The following LAMA2 variants were observed in gnomAD, a reference collection of about 807,000 sequenced individuals.
LAMA2 encodes laminin subunit alpha-2.
In LAMA2, 269 loss-of-function variants were observed where a neutral mutation model predicts 364.8. The ratio of observed to expected loss-of-function variants is 0.74; its 90% CI spans 0.67 to 0.82. The LOEUF (loss-of-function observed/expected upper bound fraction) is 0.82, where lower values mean the gene tolerates loss of function less well. Among genes scored for constraint, LAMA2 ranks in the 40% least tolerant of loss-of-function variants. LAMA2 has a pLI of 0.00. For missense variants in LAMA2, 3,807 were observed against 3,873.2 expected (o/e 0.98, Z 0.45); for synonymous variants, 1,379 against 1,370.6 (o/e 1.01, Z -0.14).
intron 10 of LAMA2, among the ~76,000 whole-genome samples, chr6:129,182,336 T>C (rs1780980476): frequency 6.6e-6 from 1 of 151,450 alleles, no homozygotes. Flanking sequence ...TGGTATTATC[T>C]AGTATCTTTG....
chr6:129,122,445 C>T (rs542446331), intron 4 of LAMA2, among the ~76,000 whole-genome samples: 1 of 152,292 alleles, frequency 6.6e-6, no homozygotes, highest in East Asian at 1.9e-4. Context: ...AATTCAGGAA[C>T]TATGGCCCAG....
intron 3 of LAMA2, among the ~76,000 whole-genome samples, chr6:129,065,804 A>G (rs1045188309): frequency 1.3e-5 from 2 of 152,068 alleles, no homozygotes; most frequent in African/African-American, 4.8e-5. Flanking sequence ...AGATGGCTGA[A>G]TCATGGGAGT....
intron 40 of LAMA2, among the ~76,000 whole-genome samples, chr6:129,416,601 T>G (rs1357060229): frequency 6.6e-6 from 1 of 152,098 alleles, no homozygotes; most frequent in South Asian, 2.1e-4. Flanking sequence ...TGTGGGGGCT[T>G]GTATAAGGGA....
At chr6:129,349,228 TG>T in intron 30 of LAMA2, 69 bp from the exon 31 acceptor site, 1 of 1,195,308 alleles carries the variant, frequency 8.4e-7, no homozygotes, top group Non-Finnish European at 1.2e-6. Flanking sequence ...ACCTTGATCA[TG>T]GATAGGAATA....
At chr6:129,416,564 C>A (rs1034164502) in intron 40 of LAMA2, among the ~76,000 whole-genome samples, 1 of 152,082 alleles carries the variant, frequency 6.6e-6, no homozygotes, top group Non-Finnish European at 1.5e-5. Context: ...ACCCTTTGGG[C>A]CCTACACAGA....
chr6:129,243,574 T>C (rs1785532765), intron 12 of LAMA2, among the ~76,000 whole-genome samples: 1 of 152,092 alleles, frequency 6.6e-6, no homozygotes, highest in African/African-American at 2.4e-5. Flanking sequence ...TTAGTTACAC[T>C]TGAGGCAGTA....
intron 1 of LAMA2, among the ~76,000 whole-genome samples, chr6:129,027,428 A>G (rs2114726681): frequency 6.6e-6 from 1 of 152,174 alleles, no homozygotes. Context: ...ACATGTCGTA[A>G]GTGAATGAAA....
At chr6:129,367,397 TAATC>T (rs1169222184) in intron 33 of LAMA2, among the ~76,000 whole-genome samples, 10 of 152,178 alleles carry the variant, frequency 6.6e-5, no homozygotes, top group Non-Finnish European at 1.0e-4. Context: ...CATTAAACAA[TAATC>T]AAGCAATTAG....
rs574846920 is a variant in LAMA2 at position 128,915,707 on chromosome 6, G to A, written c.112+32350G>A. 2.0e-5 allele frequency among the ~76,000 whole-genome samples: 3 copies of A among 152,274 alleles called. No homozygotes were observed. In the East Asian group the frequency reaches 5.8e-4, roughly 29 times the overall value. On this transcript the variant is annotated intron_variant, in intron 1 of 64. Transcript: ENST00000421865. ...TTAAACAGTGTGAAATACATTGTCT[G>A]ATAAAAATTGTATCACAATTTGGAA... is the stretch of plus-strand genomic sequence containing the variant.
At chr6:129,073,591 G>A (rs1280099491) in intron 3 of LAMA2, among the ~76,000 whole-genome samples, 1 of 152,024 alleles carries the variant, frequency 6.6e-6, no homozygotes, top group Admixed American at 6.6e-5. Flanking sequence ...TTCTCAGTCT[G>A]TACATTTTCT....
chr6:129,399,388 G>T (rs1779835982), intron 37 of LAMA2, among the ~76,000 whole-genome samples: 1 of 152,192 alleles, frequency 6.6e-6, no homozygotes, highest in Admixed American at 6.5e-5. Context: ...TAGTTCCCAG[G>T]AATGGATTGA....
At chr6:129,210,003 CAAAAAA>C (rs374127279) in intron 12 of LAMA2, among the ~76,000 whole-genome samples, 16 of 67,662 alleles carry the variant, frequency 2.4e-4, no homozygotes, top group African/African-American at 3.9e-4. Flanking sequence ...GACTCCATCT[CAAAAAA>C]AAAAAAAAAA....
chr6:129,161,872 T>G (rs979236182), intron 8 of LAMA2, among the ~76,000 whole-genome samples: 1 of 152,242 alleles, frequency 6.6e-6, no homozygotes, highest in Admixed American at 6.5e-5. Context: ...ATGGTGTATA[T>G]GTACTACATT....
chr6:129,052,401 G>C (rs557937075), intron 2 of LAMA2, among the ~76,000 whole-genome samples: 26 of 151,664 alleles, frequency 1.7e-4, no homozygotes, highest in Non-Finnish European at 2.9e-4. Flanking sequence ...GCCCGCCTCG[G>C]CCTCCCAAAG....
At chr6:129,220,316 A>G (rs1346204322) in intron 12 of LAMA2, among the ~76,000 whole-genome samples, 1 of 152,240 alleles carries the variant, frequency 6.6e-6, no homozygotes, top group African/African-American at 2.4e-5. Context: ...AAAAAACACT[A>G]GTGCTTACCA....
intron 1 of LAMA2, among the ~76,000 whole-genome samples, chr6:128,991,583 A>C (rs929978337): frequency 6.6e-6 from 1 of 152,226 alleles, no homozygotes; most frequent in African/African-American, 2.4e-5. Flanking sequence ...AGTGAAAAGC[A>C]TTATTTTAAA....
chr6:128,971,322 C>A (rs1327572886), intron 1 of LAMA2, among the ~76,000 whole-genome samples: 1 of 152,130 alleles, frequency 6.6e-6, no homozygotes, highest in Non-Finnish European at 1.5e-5. Flanking sequence ...AAGTAGGATA[C>A]CTGCCCTCAA....
At chr6:129,073,317 G>T (rs1304933989) in intron 3 of LAMA2, among the ~76,000 whole-genome samples, 1 of 151,480 alleles carries the variant, frequency 6.6e-6, no homozygotes, top group Non-Finnish European at 1.5e-5. Flanking sequence ...TTTGCTTTTG[G>T]TGTTCAGGGG....
chr6:129,083,679 T>C (rs1774199096), intron 3 of LAMA2, among the ~76,000 whole-genome samples: 1 of 152,248 alleles, frequency 6.6e-6, no homozygotes, highest in Non-Finnish European at 1.5e-5. Context: ...CTCTCTGTGT[T>C]TGTTAAAAGT....
Sources: gnomAD v4.1 joint callset for allele counts (sites outside exome capture counted in the v4.1 genomes callset) on GRCh38, gnomAD v4.1.1 for gene constraint, MANE v1.5 for transcripts, NCBI Gene and HGNC (gene_info 2026-07-23, HGNC 2026-07-21) for gene names.